IQCM: variants seen among roughly 807,000 people sequenced by gnomAD.
IQCM encodes IQ motif containing M, also known as IQ domain-containing protein M.
IQCM carries 45 observed loss-of-function variants against 57.6 expected under a neutral mutation model. That is an observed-to-expected ratio of 0.78 (90% CI 0.62 to 1.00). The LOEUF (loss-of-function observed/expected upper bound fraction) is 1.00, where lower values mean the gene tolerates loss of function less well. Ranked by LOEUF, IQCM falls within the 50% of genes least tolerant of loss-of-function variation. The pLI, the probability that IQCM is intolerant of heterozygous loss-of-function variation, is 0.00. For missense variants in IQCM, 468 were observed against 511.6 expected (o/e 0.91, Z 0.82); for synonymous variants, 148 against 158.9 (o/e 0.93, Z 0.51).
chr4:149,738,404 AGAG>A (rs1415810368), intron 3 of IQCM, among the ~76,000 whole-genome samples: 2 of 152,190 alleles, frequency 1.3e-5, no homozygotes, highest in African/African-American at 4.8e-5. Context: ...AGCTTTCGAC[AGAG>A]GAGTTAAATT....
chr4:149,522,308 A>G (rs779686505), intron 12 of IQCM, among the ~76,000 whole-genome samples: 2 of 152,154 alleles, frequency 1.3e-5, no homozygotes, highest in Non-Finnish European at 2.9e-5. Context: ...CCAAGATATA[A>G]AGGACCATAA....
intron 13 of IQCM, among the ~76,000 whole-genome samples, chr4:149,391,134 T>C (rs1486434299): frequency 6.6e-6 from 1 of 151,972 alleles, no homozygotes; most frequent in East Asian, 1.9e-4. Context: ...CCTGGGATTT[T>C]CCTTATGAGA....
chr4:149,353,863 A>G (rs1011829210), intron 13 of IQCM, among the ~76,000 whole-genome samples: 1 of 152,138 alleles, frequency 6.6e-6, no homozygotes, highest in Non-Finnish European at 1.5e-5. Context: ...CCTAATGCTC[A>G]ACCTGAGGAC....
At chr4:149,777,875 G>A (rs1340282429) in intron 2 of IQCM, among the ~76,000 whole-genome samples, 6 of 151,966 alleles carry the variant, frequency 3.9e-5, no homozygotes, top group Non-Finnish European at 7.4e-5. Flanking sequence ...CTCAGACTTG[G>A]AAGTAAAGAG....
At chr4:149,767,092 C>G (rs1770135885) in intron 2 of IQCM, among the ~76,000 whole-genome samples, 1 of 151,934 alleles carries the variant, frequency 6.6e-6, no homozygotes, top group Non-Finnish European at 1.5e-5. Context: ...GCAATTTCAT[C>G]TTTTTTCTTT....
intron 12 of IQCM, among the ~76,000 whole-genome samples, chr4:149,466,910 C>A (rs1454475021): frequency 1.3e-5 from 2 of 152,136 alleles, no homozygotes; most frequent in Non-Finnish European, 2.9e-5. Context: ...ACAGAAGGGA[C>A]AAAAAGCCTC....
rs549337957 is a variant in IQCM, at chr4:149,390,881, G to GT, written c.1391-38816dup. Among the ~76,000 whole-genome samples, 1,057 of 146,256 alleles carry GT rather than the reference G, an allele frequency of 7.2e-3. 7 individuals are homozygous for GT. Among genetic ancestry groups the GT allele is most frequent in the African/African-American group, 0.014 (558 of 40,066 alleles). ...GAATATTTGTCTGTAGTTTTGTTTT[G>GT]TTTTTTTTTTCTTTATATCTGTCTG... On this transcript the variant is annotated intron_variant, in intron 13 of 13. Transcript: ENST00000636793.
intron 13 of IQCM, among the ~76,000 whole-genome samples, chr4:149,366,508 G>A (rs935856456): frequency 1.3e-5 from 2 of 151,796 alleles, no homozygotes; most frequent in African/African-American, 4.8e-5. Flanking sequence ...TCAAGTTCAT[G>A]TCTGTTTGAT....
chr4:149,794,081 T>C (rs1199862912), intron 2 of IQCM, among the ~76,000 whole-genome samples: 1 of 152,206 alleles, frequency 6.6e-6, no homozygotes, highest in Non-Finnish European at 1.5e-5. Flanking sequence ...AAGACAGAGC[T>C]TGTGGAGTGG....
chr4:149,721,806 C>T (rs561036360), intron 5 of IQCM, among the ~76,000 whole-genome samples: 46 of 152,204 alleles, frequency 3.0e-4, no homozygotes, highest in Non-Finnish European at 5.0e-4. Flanking sequence ...TGCGTAGATA[C>T]CCAGTAGTGA....
intron 10 of IQCM, among the ~76,000 whole-genome samples, chr4:149,560,914 C>T (rs1405775009): frequency 2.0e-5 from 3 of 152,148 alleles, no homozygotes; most frequent in Non-Finnish European, 2.9e-5. Flanking sequence ...TGTGCACCCT[C>T]TAGAGCAGAA....
intron 13 of IQCM, among the ~76,000 whole-genome samples, chr4:149,386,539 T>C (rs1731440109): frequency 6.6e-6 from 1 of 152,056 alleles, no homozygotes; most frequent in South Asian, 2.1e-4. Context: ...TTATCATAAC[T>C]AACATAAATA....
intron 13 of IQCM, among the ~76,000 whole-genome samples, chr4:149,415,707 T>A (rs1033215466): frequency 5.3e-5 from 8 of 152,094 alleles, no homozygotes; most frequent in African/African-American, 1.9e-4. Context: ...TAATGGAATA[T>A]GTAATATTAT....
intron 2 of IQCM, among the ~76,000 whole-genome samples, chr4:149,814,681 A>G (rs1774892275): frequency 6.6e-6 from 1 of 151,996 alleles, no homozygotes; most frequent in Non-Finnish European, 1.5e-5. Context: ...AGGGACAGTT[A>G]AGATTAATTA....
chr4:149,809,239 G>C (rs1307119080), intron 2 of IQCM, among the ~76,000 whole-genome samples: 1 of 151,162 alleles, frequency 6.6e-6, no homozygotes, highest in Non-Finnish European at 1.5e-5. Context: ...CTCCAGCCTG[G>C]AGACAGAATG....
In IQCM at chr4:149,567,864, A is replaced by G. The variant is rs114420511; in HGVS notation, c.750-3974T>C. On this transcript the variant is annotated intron_variant, in intron 9 of 13. Coordinates refer to ENST00000636793, the MANE Select transcript of IQCM (RefSeq NM_001363507.2). ...TTAAAGCTAAAGATGTTTCCTATAT[A>G]TTGGCCCTTATGTTTACTTCTGCAT... Among the ~76,000 whole-genome samples the G allele has an allele frequency of 2.5e-3, 377 of 152,130 alleles. 1 individual carries two copies. The highest frequency in any genetic ancestry group is 8.6e-3 in the African/African-American group (356 of 41,514).
chr4:149,466,780 T>A (rs1738900615), intron 12 of IQCM, among the ~76,000 whole-genome samples: 1 of 152,200 alleles, frequency 6.6e-6, no homozygotes, highest in Admixed American at 6.5e-5. Flanking sequence ...CAACAAAATT[T>A]ACTTCCCAGA....
chr4:149,747,679 C>G (rs1231795855), intron 2 of IQCM, among the ~76,000 whole-genome samples: 1 of 152,048 alleles, frequency 6.6e-6, no homozygotes, highest in Non-Finnish European at 1.5e-5. Context: ...TGTGAGAGGG[C>G]CATAAAATGA....
chr4:149,581,258 A>G (rs1752149905), intron 9 of IQCM, among the ~76,000 whole-genome samples: 1 of 151,156 alleles, frequency 6.6e-6, no homozygotes, highest in Non-Finnish European at 1.5e-5. Context: ...AAAGTACTTC[A>G]ATTCATATAT....
Sources: allele counts gnomAD v4.1 joint callset (sites outside exome capture counted in the v4.1 genomes callset), GRCh38; gene constraint gnomAD v4.1.1; transcripts MANE v1.5; gene names NCBI Gene and HGNC (gene_info 2026-07-23, HGNC 2026-07-21).